The following CENPF variants were observed in gnomAD, a reference collection of about 807,000 sequenced individuals.
CENPF encodes centromere protein F, also known as AH antigen.
CENPF carries 214 observed loss-of-function variants against 307.3 expected under a neutral mutation model. The ratio of observed to expected loss-of-function variants is 0.70; its 90% CI spans 0.62 to 0.78. CENPF has a LOEUF of 0.78. Among genes scored for constraint, CENPF ranks in the 30% least tolerant of loss-of-function variants. The probability of loss-of-function intolerance (pLI) is 0.00; values close to 1 mark genes in which losing one functional copy is unlikely to be tolerated. For synonymous variants in CENPF, 1,259 were observed against 1,270.6 expected (o/e 0.99, Z 0.19); for missense variants, 3,401 against 3,483.9 (o/e 0.98, Z 0.60).
chr1:214,617,313 G>A (rs1214628555), intron 3 of CENPF, among the ~76,000 whole-genome samples: 1 of 152,116 alleles, frequency 6.6e-6, no homozygotes, highest in Non-Finnish European at 1.5e-5. Flanking sequence ...CTCCCAAAGT[G>A]CTGGGATTAC....
In CENPF at chr1:214,642,459, A is replaced by G. The variant is rs750145052; in HGVS notation, c.4121A>G (p.Asn1374Ser). Residue 1374 changes from asparagine to serine, a missense_variant, in exon 12 of 20, where the codon AAT (asparagine) becomes AGT (serine). Physicochemically the swap from Asn to Ser is conservative, Grantham distance 46. Coordinates refer to ENST00000366955, the MANE Select transcript of CENPF (RefSeq NM_016343.4). ...GGAGGTGAATTTGGTGAACAACCAA[A>G]TGAACAGCACCCTGTGTCTTTGGCT... Reference protein sequence around the residue: ...IPGGEFGEQPNEQHPVSLAPL... With the variant: ...IPGGEFGEQPSEQHPVSLAPL... 13 of 1,600,294 alleles carry G rather than the reference A, an allele frequency of 8.1e-6. No homozygotes were observed. In the South Asian group the frequency reaches 1.5e-4, roughly 18 times the overall value.
At chr1:214,609,086 G>C (rs964488806) in intron 1 of CENPF, among the ~76,000 whole-genome samples, 1 of 151,646 alleles carries the variant, frequency 6.6e-6, no homozygotes, top group African/African-American at 2.4e-5. Flanking sequence ...GCCCACCCCG[G>C]CCCGCGCCCC....
rs114104425 is a variant in CENPF, at chr1:214,620,936, G to A, written c.855G>A (p.Ala285=). 8.4e-4 allele frequency: 1,348 copies of A among 1,605,832 alleles called. 13 individuals are homozygous for A. The African/African-American group carries it at 0.015, about 18-fold the overall frequency. ...CTCATCTTTTGGATCAATTAAAAGC[G>A]CAGAATCAAGGTAACATTGAGCTAA... is the stretch of plus-strand genomic sequence containing the variant. ...SSPHLLDQLK[A]QNQELRNKIN... Residue 285 remains alanine (A), a synonymous_variant, in exon 6 of 20, where the codon GCG becomes GCA. Coordinates refer to ENST00000366955, the MANE Select transcript of CENPF (RefSeq NM_016343.4).
chr1:214,613,412 G>A (rs535666949), intron 1 of CENPF: 1 of 191,184 alleles, frequency 5.2e-6, no homozygotes, highest in East Asian at 1.5e-4. Flanking sequence ...CATCACTGTT[G>A]CCCCATGTTT....
chr1:214,622,722 C>T (rs567035456), intron 7 of CENPF, among the ~76,000 whole-genome samples: 7 of 141,482 alleles, frequency 4.9e-5, no homozygotes, highest in East Asian at 4.0e-4. Context: ...AACTATGGAT[C>T]GTAAGTATTT....
At chr1:214,655,969 T>A (rs1658621769) in intron 17 of CENPF, among the ~76,000 whole-genome samples, 1 of 152,230 alleles carries the variant, frequency 6.6e-6, no homozygotes. Flanking sequence ...AACTTTTTGC[T>A]AATGAGCCAT....
chr1:214,614,066 C>T, intron 2 of CENPF, 150 bp downstream of exon 2: 1 of 639,370 alleles, frequency 1.6e-6, no homozygotes, highest in Non-Finnish European at 2.3e-6. Flanking sequence ...GGTGGTAATT[C>T]CTCTCCCCTC....
chr1:214,645,130 C>G lies in CENPF; in HGVS notation c.5560C>G (p.Gln1854Glu). The G allele has an allele frequency of 1.2e-6, 2 of 1,613,386 alleles. No homozygotes were observed. Among genetic ancestry groups the G allele is most frequent in the Non-Finnish European group, 1.7e-6 (2 of 1,179,812 alleles). ...EKLEYFSCDHQELLQRVETSE... is the reference protein window; with the variant it reads ...EKLEYFSCDHEELLQRVETSE... ...ATTGGAATATTTTTCTTGTGATCAC[C>G]AGGAGTTACTCCAGAGAGTAGAAAC... Residue 1854 changes from glutamine (Q) to glutamate (E), a missense_variant, in exon 13 of 20, where the codon CAG becomes GAG. Coordinates refer to ENST00000366955, the MANE Select transcript of CENPF (RefSeq NM_016343.4).
chr1:214,657,516 A>G (rs903801729), intron 18 of CENPF, 107 bp downstream of exon 18: 1 of 793,250 alleles, frequency 1.3e-6, no homozygotes, highest in Non-Finnish European at 2.0e-6. Flanking sequence ...ATTGTGCAAT[A>G]ATCTCATTGA....
At chr1:214,647,825 TGCC>T in intron 13 of CENPF, 3 of 314,546 alleles carry the variant, frequency 9.5e-6, no homozygotes, top group Admixed American at 7.9e-5. Flanking sequence ...GTGTCTTTTT[TGCC>T]TTCAGGACAA....
intron 11 of CENPF, among the ~76,000 whole-genome samples, chr1:214,638,230 C>A (rs1337021914): frequency 2.0e-5 from 3 of 152,042 alleles, no homozygotes; most frequent in Admixed American, 6.5e-5. Flanking sequence ...ACGCCTGATG[C>A]TCAGCACTTT....
At chr1:214,616,943 C>G (rs1455843114) in intron 3 of CENPF, among the ~76,000 whole-genome samples, 1 of 104,148 alleles carries the variant, frequency 9.6e-6, no homozygotes, top group African/African-American at 5.1e-5. Context: ...CACCCTCCCT[C>G]CCTCCCTTCC....
chr1:214,657,272 G>A lies in CENPF; in HGVS notation c.8825G>A (p.Gly2942Asp), dbSNP rs753304275. 6.2e-7 allele frequency: 1 copy of A among 1,613,992 alleles called. No individual in the cohort carries two copies. The highest frequency in any genetic ancestry group is 8.5e-7 in the Non-Finnish European group (1 of 1,180,012). The change falls in exon 18 of 20, where the codon GGT becomes GAT. Residue 2942 changes from glycine (G) to aspartate (D), a missense_variant. Physicochemically the swap from Gly to Asp is moderately conservative, Grantham distance 94 (BLOSUM62 -1). Coordinates refer to ENST00000366955, the MANE Select transcript of CENPF (RefSeq NM_016343.4). ...AGATCCAGTGGAATATGGGAGAATG[G>A]TAGAGGACCAACACCTGCTACCCCA... is the stretch of plus-strand genomic sequence containing the variant. ...RQRSSGIWENGRGPTPATPES... is the reference protein window; with the variant it reads ...RQRSSGIWENDRGPTPATPES...
At position 214,651,771 on chromosome 1, in the gene CENPF, A is replaced by T; in HGVS notation, c.8045A>T (p.His2682Leu). The change falls in exon 15 of 20, where the codon CAC becomes CTC. Residue 2682 changes from histidine to leucine, a missense_variant. By Grantham distance (99) the His-to-Leu change is moderately conservative. Transcript: ENST00000366955. ...SELKKSLDCM[H>L]KDQVEKEGKV... Reference sequence around the variant, plus strand: ...TTGAAGAAGAGCCTAGATTGCATGCACAAAGACCAGGTGGAAAAGGAAGGG... The same window carrying T: ...TTGAAGAAGAGCCTAGATTGCATGCTCAAAGACCAGGTGGAAAAGGAAGGG... 1 of 1,613,506 alleles carries T rather than the reference A, an allele frequency of 6.2e-7. No individual in the cohort carries two copies. The highest frequency in any genetic ancestry group is 8.5e-7 in the Non-Finnish European group (1 of 1,179,800).
chr1:214,641,718 G>A lies in CENPF; in HGVS notation c.3380G>A (p.Gly1127Asp), dbSNP rs137861168. 65 of 1,580,164 alleles carry A rather than the reference G, an allele frequency of 4.1e-5. No homozygotes were observed. Among genetic ancestry groups the A allele is most frequent in the Non-Finnish European group, 5.3e-5 (62 of 1,167,180 alleles). ...NQNNSKSEAG[G>D]LKQEIMTLKE... ...AACAATTCTAAGAGCGAGGCTGGTG[G>A]TTTAAAGCAAGAAATCATGACTTTA... Residue 1127 changes from glycine (G) to aspartate (D), a missense_variant, in exon 12 of 20, where the codon GGT becomes GAT. Physicochemically the swap from Gly to Asp is moderately conservative, Grantham distance 94 (BLOSUM62 -1). Coordinates refer to ENST00000366955, the MANE Select transcript of CENPF (RefSeq NM_016343.4).
At position 214,658,919 on chromosome 1, in the gene CENPF, C is replaced by T; in HGVS notation, c.9032C>T (p.Thr3011Ile). The T allele has an allele frequency of 6.2e-7, 1 of 1,614,114 alleles. No homozygotes were observed. The highest frequency in any genetic ancestry group is 8.5e-7 in the Non-Finnish European group (1 of 1,180,002). Residue 3011 changes from threonine (T) to isoleucine (I), a missense_variant, in exon 19 of 20, where the codon ACC (threonine) becomes ATC (isoleucine). Thr to Ile is a moderately conservative substitution (Grantham distance 89). Coordinates refer to ENST00000366955, the MANE Select transcript of CENPF (RefSeq NM_016343.4). ...ILRRTTMATRTSPRLAAQKLA... is the reference protein window; with the variant it reads ...ILRRTTMATRISPRLAAQKLA... Reference sequence around the variant, plus strand: ...CGAAGAACAACCATGGCAACTCGGACCAGCCCCCGCCTGGCTGCACAGAAG... The same window carrying T: ...CGAAGAACAACCATGGCAACTCGGATCAGCCCCCGCCTGGCTGCACAGAAG...
chr1:214,621,996 A>C, intron 6 of CENPF, 83 bp from the exon 7 acceptor site: 1 of 1,116,288 alleles, frequency 9.0e-7, no homozygotes, highest in Non-Finnish European at 1.3e-6. Flanking sequence ...AGATTTCAGA[A>C]AAGAATAAAA....
chr1:214,621,006 T>A, intron 6 of CENPF, 60 bp downstream of exon 6: 1 of 1,484,234 alleles, frequency 6.7e-7, no homozygotes. Context: ...CACAGGTGAT[T>A]TCAGATATTT....
chr1:214,620,652 C>T lies in CENPF; in HGVS notation c.574-3C>T. ...GGCCTCTAAAGAGATTCTGTTTCTA[C>T]AGAAAGCAAGCCAGACTCTTCCACA... On this transcript the variant is annotated splice_region_variant and splice_polypyrimidine_tract_variant and intron_variant, in intron 5 of 19. Coordinates refer to ENST00000366955, the MANE Select transcript of CENPF (RefSeq NM_016343.4). The T allele has an allele frequency of 6.2e-7, 1 of 1,604,822 alleles. No homozygotes were observed. Among genetic ancestry groups the T allele is most frequent in the Non-Finnish European group, 8.5e-7 (1 of 1,177,012 alleles).
Sources: allele counts gnomAD v4.1 joint callset (sites outside exome capture counted in the v4.1 genomes callset), GRCh38; gene constraint gnomAD v4.1.1; transcripts MANE v1.5; gene names NCBI Gene and HGNC (gene_info 2026-07-23, HGNC 2026-07-21).